OTOGL: variants seen among roughly 807,000 people sequenced by gnomAD.
OTOGL encodes otogelin like, also known as otogelin-like protein.
OTOGL carries 285 observed loss-of-function variants against 318.5 expected under a neutral mutation model. The ratio of observed to expected loss-of-function variants is 0.89; its 90% CI spans 0.81 to 0.99. The LOEUF (loss-of-function observed/expected upper bound fraction) is 0.99. OTOGL is among the 50% of genes least tolerant of loss of function. The pLI, the probability that OTOGL is intolerant of heterozygous loss-of-function variation, is 0.00. For synonymous variants in OTOGL, 987 were observed against 936.5 expected (o/e 1.05, Z -0.99); for missense variants, 2,899 against 2,845.6 (o/e 1.02, Z -0.43).
At chr12:80,126,830 A>G (rs1005047011) in intron 1 of OTOGL, among the ~76,000 whole-genome samples, 1 of 152,040 alleles carries the variant, frequency 6.6e-6, no homozygotes, top group Non-Finnish European at 1.5e-5. Context: ...TTGTTGGTTT[A>G]AAGTCTGTTT....
intron 1 of OTOGL, among the ~76,000 whole-genome samples, chr12:80,119,632 C>T (rs1870372212): frequency 6.6e-6 from 1 of 152,070 alleles, no homozygotes. Flanking sequence ...AGTTAGTGGC[C>T]CCTTCCCCCA....
chr12:80,152,352 G>A (rs969240713), intron 1 of OTOGL, among the ~76,000 whole-genome samples: 4 of 152,130 alleles, frequency 2.6e-5, no homozygotes, highest in African/African-American at 7.2e-5. Flanking sequence ...AGAGAAAGCA[G>A]AGGCCCAATC....
At chr12:80,337,426 A>G (rs935426789) in intron 42 of OTOGL, among the ~76,000 whole-genome samples, 1 of 152,136 alleles carries the variant, frequency 6.6e-6, no homozygotes, top group Admixed American at 6.6e-5. Context: ...GTGGGTTTGA[A>G]GTGTTGACAT....
At chr12:80,188,255 A>G (rs1330160084) in intron 1 of OTOGL, among the ~76,000 whole-genome samples, 1 of 152,054 alleles carries the variant, frequency 6.6e-6, no homozygotes, top group African/African-American at 2.4e-5. Flanking sequence ...GTTCCTTTTA[A>G]AAAGAGGTGA....
At chr12:80,355,629 C>T (rs1889840202) in intron 46 of OTOGL, 107 bp from the exon 47 acceptor site, 1 of 784,286 alleles carries the variant, frequency 1.3e-6, no homozygotes, top group African/African-American at 1.8e-5. Context: ...ACTTGTGACA[C>T]ATCATTATGT....
At chr12:80,105,671 T>C (rs1869413373) in intron 1 of OTOGL, among the ~76,000 whole-genome samples, 1 of 152,172 alleles carries the variant, frequency 6.6e-6, no homozygotes, top group Admixed American at 6.5e-5. Context: ...GTTAATACAA[T>C]AACATTTTTC....
At chr12:80,217,540 T>A (rs1168522108) in intron 4 of OTOGL, 58 bp from the exon 5 acceptor site, 2 of 1,188,818 alleles carry the variant, frequency 1.7e-6, no homozygotes, top group African/African-American at 1.5e-5. Context: ...CCAATTTGCA[T>A]GTTTGGCTTG....
intron 9 of OTOGL, among the ~76,000 whole-genome samples, chr12:80,236,621 G>A (rs1879870104): frequency 6.6e-6 from 1 of 152,022 alleles, no homozygotes; most frequent in East Asian, 1.9e-4. Flanking sequence ...GTTTTGAAAG[G>A]AAATGTAACT....
chr12:80,329,243 C>T, intron 37 of OTOGL, 124 bp downstream of exon 37: 1 of 735,036 alleles, frequency 1.4e-6, no homozygotes, highest in East Asian at 3.3e-5. Flanking sequence ...GGAAACCCAG[C>T]AGTCACTTTT....
rs1248840262 is a variant in OTOGL at position 80,371,358 on chromosome 12, T to C, written c.6736-661T>C. 5.9e-5 allele frequency among the ~76,000 whole-genome samples: 9 copies of C among 152,210 alleles called. No individual in the cohort carries two copies. The East Asian group carries it at 1.5e-3, about 26-fold the overall frequency. On this transcript the variant is annotated intron_variant, in intron 56 of 58. Transcript: ENST00000547103. ...GTCTCATTGATTTTTTTTCAGGATG[T>C]ACCTTTTCAATGATGACGGCTGGCT...
intron 1 of OTOGL, among the ~76,000 whole-genome samples, chr12:80,187,427 G>A (rs765737401): frequency 5.9e-5 from 9 of 152,140 alleles, no homozygotes; most frequent in Non-Finnish European, 1.3e-4. Context: ...AGGATGACAC[G>A]AAGCCCAGGA....
intron 1 of OTOGL, among the ~76,000 whole-genome samples, chr12:80,110,169 G>T (rs951268894): frequency 6.8e-6 from 1 of 147,390 alleles, no homozygotes; most frequent in Non-Finnish European, 1.5e-5. Context: ...CCAGGTTCAC[G>T]CCATTCTCCT....
At chr12:80,123,441 CA>C (rs1592470058) in intron 1 of OTOGL, among the ~76,000 whole-genome samples, 1 of 152,140 alleles carries the variant, frequency 6.6e-6, no homozygotes, top group East Asian at 1.9e-4. Context: ...CATTGTTGGA[CA>C]TTTGGGTTGG....
chr12:80,108,882 GTATA>G (rs1045215861), intron 1 of OTOGL, among the ~76,000 whole-genome samples: 24 of 134,276 alleles, frequency 1.8e-4, no homozygotes, highest in Non-Finnish European at 3.3e-4. Context: ...GTATATATGT[GTATA>G]TATATGTGTA....
intron 1 of OTOGL, among the ~76,000 whole-genome samples, chr12:80,161,009 T>G (rs1490358378): frequency 6.6e-6 from 1 of 152,030 alleles, no homozygotes; most frequent in African/African-American, 2.4e-5. Flanking sequence ...TGTGCTCTTA[T>G]TCATAAGTGG....
chr12:80,216,512 T>C (rs1391248749), intron 4 of OTOGL, among the ~76,000 whole-genome samples: 3 of 152,228 alleles, frequency 2.0e-5, no homozygotes, highest in Non-Finnish European at 4.4e-5. Context: ...TACTTAGCCA[T>C]ATAGATCTTT....
chr12:80,259,900 G>C (rs1209829371), intron 18 of OTOGL, among the ~76,000 whole-genome samples: 3 of 152,098 alleles, frequency 2.0e-5, no homozygotes, highest in African/African-American at 7.2e-5. Flanking sequence ...CATCTTTCTT[G>C]TGACCTCCCA....
intron 1 of OTOGL, among the ~76,000 whole-genome samples, chr12:80,209,158 C>T (rs549189463): frequency 6.6e-6 from 1 of 152,138 alleles, no homozygotes; most frequent in East Asian, 1.9e-4. Context: ...CTAAAAAGGC[C>T]TATGATGTGC....
intron 27 of OTOGL, among the ~76,000 whole-genome samples, chr12:80,300,413 A>G (rs1392837144): frequency 6.6e-6 from 1 of 152,082 alleles, no homozygotes; most frequent in African/African-American, 2.4e-5. Context: ...GCAGAGAAGC[A>G]GGCATCTGAG....
Sources: gnomAD v4.1 joint callset for allele counts (sites outside exome capture counted in the v4.1 genomes callset) on GRCh38, gnomAD v4.1.1 for gene constraint, MANE v1.5 for transcripts, NCBI Gene and HGNC (gene_info 2026-07-23, HGNC 2026-07-21) for gene names.